Variants in ASAP1 observed in about 807,000 individuals in gnomAD.
ASAP1 encodes the protein ArfGAP with SH3 domain, ankyrin repeat and PH domain 1.
Under a neutral mutation model 145.2 loss-of-function variants are expected in ASAP1, and 43 were observed. The ratio of observed to expected loss-of-function variants is 0.30; its 90% CI spans 0.23 to 0.38. ASAP1 has a LOEUF of 0.38. ASAP1 is among the 10% of genes least tolerant of loss of function. ASAP1 has a pLI of 1.00. For missense variants in ASAP1, 1,018 were observed against 1,355.3 expected (o/e 0.75, Z 3.91); for synonymous variants, 546 against 515.5 (o/e 1.06, Z -0.80).
intron 3 of ASAP1, among the ~76,000 whole-genome samples, chr8:130,311,304 T>A (rs1823325314): frequency 6.6e-6 from 1 of 152,226 alleles, no homozygotes; most frequent in South Asian, 2.1e-4. Flanking sequence ...AGAAAAGGTA[T>A]CCAAATAGGT....
At chr8:130,418,819 C>T (rs760901136) in intron 1 of ASAP1, among the ~76,000 whole-genome samples, 2 of 150,408 alleles carry the variant, frequency 1.3e-5, no homozygotes, top group Non-Finnish European at 3.0e-5. Context: ...GCAAAATCTA[C>T]AAAAAGATCT....
intron 27 of ASAP1, among the ~76,000 whole-genome samples, chr8:130,064,464 A>G (rs7387355): frequency 0.78 from 118,003 of 152,046 alleles, 46,118 homozygotes; most frequent in Admixed American, 0.86. Context: ...ACAGTCTGGA[A>G]TGGAGCCGGA....
chr8:130,196,097 G>A (rs1212717100), intron 5 of ASAP1, among the ~76,000 whole-genome samples: 3 of 152,142 alleles, frequency 2.0e-5, no homozygotes, highest in East Asian at 1.9e-4. Context: ...ATCCGAGCAC[G>A]CTGGAAGGCC....
chr8:130,151,773 G>A (rs2097646890), intron 13 of ASAP1, among the ~76,000 whole-genome samples: 1 of 152,224 alleles, frequency 6.6e-6, no homozygotes, highest in South Asian at 2.1e-4. Flanking sequence ...AGAAAGAACA[G>A]GACTAGTAAG....
chr8:130,310,130 GT>G (rs200598241), intron 3 of ASAP1, among the ~76,000 whole-genome samples: 5 of 79,106 alleles, frequency 6.3e-5, no homozygotes, highest in African/African-American at 1.9e-4. Context: ...GGCTAATACA[GT>G]TTTTTTTGGG....
chr8:130,301,399 G>A (rs1345444362), intron 3 of ASAP1, among the ~76,000 whole-genome samples: 2 of 152,190 alleles, frequency 1.3e-5, no homozygotes, highest in Non-Finnish European at 2.9e-5. Flanking sequence ...TTACCTAGTA[G>A]CATTTTAATG....
intron 17 of ASAP1, among the ~76,000 whole-genome samples, chr8:130,124,740 C>A (rs1009933181): frequency 4.6e-5 from 7 of 152,110 alleles, no homozygotes; most frequent in Non-Finnish European, 8.8e-5. Flanking sequence ...GCAACCATGT[C>A]TTTGAGGGAA....
chr8:130,273,079 C>T (rs2137091314), intron 3 of ASAP1, among the ~76,000 whole-genome samples: 1 of 152,230 alleles, frequency 6.6e-6, no homozygotes, highest in Middle Eastern at 3.4e-3. Context: ...ATTACACATC[C>T]TATGCATGTA....
At chr8:130,307,160 TCCCTCTACAATGTA>T (rs1223703702) in intron 3 of ASAP1, among the ~76,000 whole-genome samples, 1 of 151,920 alleles carries the variant, frequency 6.6e-6, no homozygotes, top group East Asian at 1.9e-4. Flanking sequence ...TTTATCTGTC[TCCCTCTACAATGTA>T]CCCTCTATGA....
intron 1 of ASAP1, among the ~76,000 whole-genome samples, chr8:130,422,972 T>C (rs909101763): frequency 1.3e-5 from 2 of 152,232 alleles, no homozygotes; most frequent in African/African-American, 4.8e-5. Flanking sequence ...CCTCAGAGGT[T>C]AAGCAGCCTG....
chr8:130,432,958 C>A (rs191201642), intron 1 of ASAP1, among the ~76,000 whole-genome samples: 1 of 152,212 alleles, frequency 6.6e-6, no homozygotes, highest in Non-Finnish European at 1.5e-5. Flanking sequence ...GGGTAAGCAA[C>A]CACTGTCTGC....
intron 3 of ASAP1, among the ~76,000 whole-genome samples, chr8:130,336,511 A>G (rs1825045234): frequency 6.6e-6 from 1 of 152,250 alleles, no homozygotes. Context: ...AATAAACCAA[A>G]GGAACTAATA....
At chr8:130,153,172 A>G (rs111604364) in intron 12 of ASAP1, among the ~76,000 whole-genome samples, 8,064 of 151,140 alleles carry the variant, frequency 0.053, 282 homozygotes, top group Middle Eastern at 0.079. Flanking sequence ...GGCTCCTGCC[A>G]CTGCGCCCGG....
intron 5 of ASAP1, among the ~76,000 whole-genome samples, chr8:130,204,502 A>G (rs1284199572): frequency 6.6e-6 from 1 of 152,134 alleles, no homozygotes; most frequent in African/African-American, 2.4e-5. Flanking sequence ...CTACATACAG[A>G]TGAGGCAGAG....
chr8:130,249,808 C>G (rs1344925760), intron 3 of ASAP1, among the ~76,000 whole-genome samples: 1 of 152,030 alleles, frequency 6.6e-6, no homozygotes, highest in Non-Finnish European at 1.5e-5. Flanking sequence ...TCTAGATGTG[C>G]CCAGTGTACA....
chr8:130,315,183 T>C (rs533850424), intron 3 of ASAP1, among the ~76,000 whole-genome samples: 11 of 151,688 alleles, frequency 7.3e-5, no homozygotes, highest in East Asian at 1.9e-4. Flanking sequence ...ACAAGGAAAA[T>C]AGTAGGCAGT....
chr8:130,066,596 CTCCT>C (rs768852113), intron 27 of ASAP1, among the ~76,000 whole-genome samples: 12 of 151,046 alleles, frequency 7.9e-5, no homozygotes, highest in East Asian at 7.8e-4. Context: ...TTCTCTCTCT[CTCCT>C]TCCTTCCTTG....
intron 2 of ASAP1, among the ~76,000 whole-genome samples, chr8:130,369,621 G>A (rs1169965128): frequency 6.6e-6 from 1 of 152,190 alleles, no homozygotes; most frequent in Non-Finnish European, 1.5e-5. Flanking sequence ...ATGAAAAGAT[G>A]CTGAACATCA....
chr8:130,344,162 G>C (rs1032424069), intron 3 of ASAP1, among the ~76,000 whole-genome samples: 4 of 151,988 alleles, frequency 2.6e-5, no homozygotes, highest in Non-Finnish European at 5.9e-5. Context: ...CACTTTCTTT[G>C]GCAAATGAAT....
Sources: allele counts gnomAD v4.1 joint callset (sites outside exome capture counted in the v4.1 genomes callset), GRCh38; gene constraint gnomAD v4.1.1; transcripts MANE v1.5; gene names NCBI Gene and HGNC (gene_info 2026-07-23, HGNC 2026-07-21).